The following ANKS1B variants were observed in gnomAD, a reference collection of about 807,000 sequenced individuals.
ANKS1B encodes the protein ankyrin repeat and sterile alpha motif domain-containing protein 1B.
In ANKS1B, 36 loss-of-function variants were observed where a neutral mutation model predicts 148.3. The observed-to-expected ratio is 0.24, with a 90% CI of 0.19 to 0.32. The LOEUF (loss-of-function observed/expected upper bound fraction) is 0.32. ANKS1B is among the 10% of genes least tolerant of loss of function. ANKS1B has a pLI of 1.00. For synonymous variants in ANKS1B, 542 were observed against 560.8 expected, an observed-to-expected ratio of 0.97 and a Z score of 0.47; for missense variants, 1,157 against 1,542.6, an observed-to-expected ratio of 0.75 and a Z score of 4.19.
chr12:99,792,548 T>C (rs1443261158), intron 4 of ANKS1B, among the ~76,000 whole-genome samples: 1 of 151,980 alleles, frequency 6.6e-6, no homozygotes, highest in African/African-American at 2.4e-5. Context: ...GATGCAAGGA[T>C]GGTTCAACAT....
At chr12:98,785,924 G>A (rs1476158801) in intron 22 of ANKS1B, among the ~76,000 whole-genome samples, 3 of 152,070 alleles carry the variant, frequency 2.0e-5, no homozygotes, top group African/African-American at 4.8e-5. Context: ...TTCTGTTATC[G>A]TTTTCTTTCG....
At chr12:99,962,511 ATAC>A (rs1238556597) in intron 1 of ANKS1B, among the ~76,000 whole-genome samples, 5 of 152,210 alleles carry the variant, frequency 3.3e-5, no homozygotes, top group African/African-American at 1.2e-4. Flanking sequence ...TGCAATAAAC[ATAC>A]GTGTGCATGT....
chr12:99,532,516 C>A (rs372311582), intron 9 of ANKS1B, among the ~76,000 whole-genome samples: 1 of 151,974 alleles, frequency 6.6e-6, no homozygotes, highest in African/African-American at 2.4e-5. Context: ...GCCTGCCACC[C>A]AACCTGGCTA....
At chr12:99,185,237 A>T (rs2079661065) in intron 14 of ANKS1B, among the ~76,000 whole-genome samples, 1 of 152,262 alleles carries the variant, frequency 6.6e-6, no homozygotes, top group South Asian at 2.1e-4. Flanking sequence ...GTGTAAGAAA[A>T]GCAGAGCTCA....
intron 9 of ANKS1B, among the ~76,000 whole-genome samples, chr12:99,520,617 A>G (rs1170458767): frequency 1.3e-5 from 2 of 152,124 alleles, no homozygotes; most frequent in African/African-American, 2.4e-5. Context: ...ATCTTTCTCT[A>G]GATTTGGGAA....
intron 8 of ANKS1B, among the ~76,000 whole-genome samples, chr12:99,716,847 G>A (rs1180333514): frequency 4.0e-5 from 6 of 151,390 alleles, no homozygotes; most frequent in South Asian, 2.1e-4. Flanking sequence ...TCCCCTCCTC[G>A]CCAGGCCGAG....
chr12:99,484,407 C>T (rs1052330224), intron 10 of ANKS1B, among the ~76,000 whole-genome samples: 1 of 151,790 alleles, frequency 6.6e-6, no homozygotes, highest in Non-Finnish European at 1.5e-5. Flanking sequence ...TCTTTTCTGG[C>T]CTGTCATATG....
chr12:99,680,385 G>A (rs989423686), intron 8 of ANKS1B, among the ~76,000 whole-genome samples: 12 of 151,936 alleles, frequency 7.9e-5, no homozygotes. Flanking sequence ...AGGTTGCAGT[G>A]AGCCACGATC....
chr12:99,432,434 C>T (rs1243952459), intron 11 of ANKS1B, among the ~76,000 whole-genome samples: 6 of 151,614 alleles, frequency 4.0e-5, no homozygotes, highest in Admixed American at 1.3e-4. Context: ...TTCTCAGTGC[C>T]GAAATTGAGC....
intron 19 of ANKS1B, among the ~76,000 whole-genome samples, chr12:98,810,917 C>A (rs775721401): frequency 4.6e-5 from 7 of 152,200 alleles, no homozygotes. Context: ...GCTCGGTCTG[C>A]GCTTTGACTT....
At chr12:99,583,786 G>C (rs2153230114) in intron 9 of ANKS1B, among the ~76,000 whole-genome samples, 1 of 152,264 alleles carries the variant, frequency 6.6e-6, no homozygotes, top group South Asian at 2.1e-4. Flanking sequence ...GGTAGGATAA[G>C]CAACAGAAAC....
At chr12:99,530,173 C>CA (rs528428722) in intron 9 of ANKS1B, among the ~76,000 whole-genome samples, 11 of 152,254 alleles carry the variant, frequency 7.2e-5, no homozygotes, top group Non-Finnish European at 1.3e-4. Context: ...CACAGATTGC[C>CA]AGACTGTGGC....
chr12:99,561,528 T>C (rs1031847325), intron 9 of ANKS1B, among the ~76,000 whole-genome samples: 22 of 152,226 alleles, frequency 1.4e-4, no homozygotes, highest in African/African-American at 5.1e-4. Flanking sequence ...ATCTGTTGCA[T>C]GTAAGCATCC....
chr12:99,695,498 C>T (rs533173351), intron 8 of ANKS1B, among the ~76,000 whole-genome samples: 1 of 152,240 alleles, frequency 6.6e-6, no homozygotes, highest in East Asian at 1.9e-4. Flanking sequence ...ATTCTTTTCT[C>T]CTGAGAAGTT....
chr12:98,820,332 A>G (rs2099174746), intron 19 of ANKS1B, among the ~76,000 whole-genome samples: 1 of 152,228 alleles, frequency 6.6e-6, no homozygotes, highest in Admixed American at 6.5e-5. Flanking sequence ...ATAAAGCTGT[A>G]CTAATCAGTG....
intron 9 of ANKS1B, among the ~76,000 whole-genome samples, chr12:99,532,793 T>G (rs574934565): frequency 1.3e-5 from 2 of 152,350 alleles, no homozygotes; most frequent in South Asian, 4.1e-4. Flanking sequence ...CTTTCCCCAG[T>G]GCATGTTTTT....
rs1169439300 is a variant in ANKS1B, at chr12:98,744,237, T to G, written c.*1502A>C. 15 of 956,586 alleles carry G rather than the reference T, an allele frequency of 1.6e-5. No individual in the cohort carries two copies. The highest frequency in any genetic ancestry group is 3.5e-5 in the African/African-American group (2 of 56,546). 59.3% of individuals were successfully genotyped at this position (956,586 alleles called of 1,614,324 possible). On this transcript the variant is annotated 3_prime_UTR_variant, in exon 27 of 27. Transcript: ENST00000683438. The stretch of plus-strand genomic sequence containing the variant: ...ACTGTTCAGTTCAAGTAATTTAATA[T>G]TGTATTAAAATTCTTCAACACTGAA...
At chr12:99,059,287 G>A (rs916352760) in intron 16 of ANKS1B, among the ~76,000 whole-genome samples, 4 of 152,280 alleles carry the variant, frequency 2.6e-5, no homozygotes, top group East Asian at 1.9e-4. Context: ...TCCCTAAATC[G>A]TCCAGCAGAG....
chr12:99,634,247 GA>G (rs942269101), intron 9 of ANKS1B, among the ~76,000 whole-genome samples: 4 of 152,160 alleles, frequency 2.6e-5, no homozygotes, highest in African/African-American at 9.6e-5. Flanking sequence ...TGAGTTAATG[GA>G]TTAATGGGCT....
Sources: allele counts gnomAD v4.1 joint callset (sites outside exome capture counted in the v4.1 genomes callset), GRCh38; gene constraint gnomAD v4.1.1; transcripts MANE v1.5; gene names NCBI Gene and HGNC (gene_info 2026-07-23, HGNC 2026-07-21).